DNAH14: variants seen among roughly 807,000 people sequenced by gnomAD.
The protein encoded by DNAH14 is dynein axonemal heavy chain 14.
In DNAH14, 478 loss-of-function variants were observed where a neutral mutation model predicts 520.9. The ratio of observed to expected loss-of-function variants is 0.92; its 90% CI spans 0.85 to 0.99. DNAH14 has a LOEUF of 0.99. Ranked by LOEUF, DNAH14 falls within the 50% of genes least tolerant of loss-of-function variation. The pLI is 0.00. For synonymous variants in DNAH14, 1,581 were observed against 1,757.2 expected (o/e 0.90, Z 2.51); for missense variants, 4,831 against 5,234.5 (o/e 0.92, Z 2.38).
chr1:225,205,489 T>C (rs894599469), intron 39 of DNAH14, among the ~76,000 whole-genome samples: 3 of 152,212 alleles, frequency 2.0e-5, no homozygotes, highest in African/African-American at 7.2e-5. Flanking sequence ...TAAGGCTTTT[T>C]GTTACAGCAG....
chr1:225,339,762 C>T (rs955742169), intron 68 of DNAH14, among the ~76,000 whole-genome samples: 3 of 152,142 alleles, frequency 2.0e-5, no homozygotes, highest in Admixed American at 6.5e-5. Context: ...TATCATTAAG[C>T]TTCAATTTCA....
At position 225,078,473 on chromosome 1, in the gene DNAH14, C is replaced by T. The variant is rs1159410359; in HGVS notation, c.2425-734C>T. ...ACTTACTTATTTTATGTCTTAATAGCATCTATTTTATATGTGGAATACATT... is the reference window on the plus strand; with the variant it reads ...ACTTACTTATTTTATGTCTTAATAGTATCTATTTTATATGTGGAATACATT... On this transcript the variant is annotated intron_variant, in intron 17 of 85. Transcript: ENST00000682510. Among the ~76,000 whole-genome samples the T allele has an allele frequency of 2.0e-5, 3 of 152,130 alleles. No homozygotes were observed. In the East Asian group the frequency reaches 5.8e-4, roughly 29 times the overall value.
chr1:225,388,693 G>A (rs1363889969), intron 82 of DNAH14, among the ~76,000 whole-genome samples: 2 of 152,176 alleles, frequency 1.3e-5, no homozygotes, highest in Non-Finnish European at 2.9e-5. Flanking sequence ...TCCACTCCAA[G>A]AGACAGTTAT....
Position 225,335,446 on chromosome 1 carries a change from TGCAC to T in DNAH14, c.10081-1819_10081-1816del, listed in dbSNP as rs2094947060. ...ATGCACGTGTGTACATGTGTGTGTA[TGCAC>T]ATATGCACGTGTGTACATGTGTGTG... On this transcript the variant is annotated intron_variant, in intron 66 of 85. Transcript: ENST00000682510. Among the ~76,000 whole-genome samples, 5 of 119,504 alleles carry T rather than the reference TGCAC, an allele frequency of 4.2e-5. 1 individual carries two copies. Among genetic ancestry groups the T allele is most frequent in the African/African-American group, 9.9e-5 (3 of 30,296 alleles). The allele number at this position is 119,504 out of a possible 152,430, so 78.4% of individuals were successfully genotyped here.
intron 66 of DNAH14, among the ~76,000 whole-genome samples, chr1:225,336,552 A>G (rs756359819): frequency 4.7e-4 from 71 of 152,328 alleles, no homozygotes; most frequent in Middle Eastern, 3.4e-3. Flanking sequence ...GTAACTCAGA[A>G]CAAGCACACA....
chr1:225,003,298 G>A (rs961881643), intron 9 of DNAH14, among the ~76,000 whole-genome samples: 1 of 151,926 alleles, frequency 6.6e-6, no homozygotes, highest in African/African-American at 2.4e-5. Flanking sequence ...TTAAATTTAT[G>A]AATTCTCCTA....
chr1:224,942,288 C>A (rs905094907), intron 1 of DNAH14, among the ~76,000 whole-genome samples: 16 of 152,118 alleles, frequency 1.1e-4, no homozygotes, highest in Admixed American at 2.0e-4. Context: ...TGGGAGTTCA[C>A]TCATGATTTG....
chr1:225,320,444 G>A (rs2094537866), intron 61 of DNAH14, among the ~76,000 whole-genome samples: 1 of 152,146 alleles, frequency 6.6e-6, no homozygotes, highest in Admixed American at 6.5e-5. Flanking sequence ...CCTTGAGTAT[G>A]TCTTGTTTGT....
At chr1:225,352,868 C>A (rs539668299) in intron 72 of DNAH14, among the ~76,000 whole-genome samples, 2 of 152,146 alleles carry the variant, frequency 1.3e-5, no homozygotes, top group South Asian at 4.1e-4. Context: ...GTCTCCTCCT[C>A]CCACAGTTTT....
chr1:225,104,536 G>A (rs1334201342), intron 23 of DNAH14, among the ~76,000 whole-genome samples: 5 of 152,230 alleles, frequency 3.3e-5, no homozygotes, highest in Non-Finnish European at 7.4e-5. Context: ...TGGTTGGTAA[G>A]CTATTAATTA....
At chr1:225,106,870 T>A (rs2076101741) in intron 23 of DNAH14, among the ~76,000 whole-genome samples, 1 of 152,236 alleles carries the variant, frequency 6.6e-6, no homozygotes, top group African/African-American at 2.4e-5. Context: ...GAAACCTTCT[T>A]CTCTCAACTC....
intron 49 of DNAH14, among the ~76,000 whole-genome samples, chr1:225,270,123 C>T (rs1382653196): frequency 1.3e-5 from 2 of 152,064 alleles, no homozygotes; most frequent in African/African-American, 4.8e-5. Context: ...ACATATACAC[C>T]ATGGAATACT....
intron 38 of DNAH14, among the ~76,000 whole-genome samples, chr1:225,200,365 T>G (rs1459841565): frequency 6.6e-6 from 1 of 152,188 alleles, no homozygotes; most frequent in Non-Finnish European, 1.5e-5. Flanking sequence ...ATTCCAGTCA[T>G]CATGCTATTT....
In DNAH14 at chr1:224,964,542, C is replaced by G; in HGVS notation, c.431C>G (p.Thr144Ser). Residue 144 changes from threonine to serine, a missense_variant, in exon 5 of 86, where the codon ACT becomes AGT. Physicochemically the swap from Thr to Ser is moderately conservative, Grantham distance 58. Coordinates refer to ENST00000682510, the MANE Select transcript of DNAH14 (RefSeq NM_001367479.1). ...CTACGAGAAAAGCTTGGTTGGCAAA[C>G]TATATTACCGCAGCACAGTTTGAAA... is the stretch of plus-strand genomic sequence containing the variant. The part of the protein sequence containing the change: ...IRLREKLGWQ[T>S]ILPQHSLKYG... The G allele has an allele frequency of 1.9e-6, 3 of 1,610,432 alleles. No individual in the cohort carries two copies. Among genetic ancestry groups the G allele is most frequent in the Non-Finnish European group, 2.5e-6 (3 of 1,177,840 alleles).
chr1:225,320,957 G>A (rs1050283529), intron 61 of DNAH14, among the ~76,000 whole-genome samples: 6 of 151,940 alleles, frequency 3.9e-5, no homozygotes, highest in South Asian at 2.1e-4. Flanking sequence ...TATTCACATC[G>A]TATTTGTTTT....
Position 224,954,215 on chromosome 1 carries a change from A to G in DNAH14, c.78-744A>G, listed in dbSNP as rs193180703. Among the ~76,000 whole-genome samples the G allele has an allele frequency of 3.3e-3, 507 of 152,264 alleles. 2 individuals carry two copies. The highest frequency in any genetic ancestry group is 6.2e-3 in the Non-Finnish European group (421 of 67,972). On this transcript the variant is annotated intron_variant, in intron 2 of 85. Transcript: ENST00000682510. The stretch of plus-strand genomic sequence containing the variant: ...AACTTAAAGCGCTCAAAGGAAAAGG[A>G]TTTAAGAATAATACCTAATAAATGA...
chr1:225,391,610 G>A (rs897713802), intron 83 of DNAH14, among the ~76,000 whole-genome samples: 9 of 152,006 alleles, frequency 5.9e-5, no homozygotes, highest in African/African-American at 1.7e-4. Context: ...CTCCGTGTTT[G>A]GAAGGACAGG....
intron 66 of DNAH14, among the ~76,000 whole-genome samples, chr1:225,334,877 CATAT>C (rs141792910): frequency 1.2e-4 from 17 of 137,004 alleles, no homozygotes; most frequent in South Asian, 7.2e-4. Context: ...TCTCTCTCTA[CATAT>C]ATATGTGTGT....
chr1:225,366,080 C>T (rs73136964), intron 76 of DNAH14, among the ~76,000 whole-genome samples: 15,689 of 152,114 alleles, frequency 0.1, 1,359 homozygotes, highest in African/African-American at 0.24. Flanking sequence ...TCAATAAACA[C>T]ATTTTAAAAA....
Sources: gnomAD v4.1 joint callset for allele counts (sites outside exome capture counted in the v4.1 genomes callset) on GRCh38, gnomAD v4.1.1 for gene constraint, MANE v1.5 for transcripts, NCBI Gene and HGNC (gene_info 2026-07-23, HGNC 2026-07-21) for gene names.